Variants in MTHFS observed in about 807,000 individuals in gnomAD.
The protein encoded by MTHFS is 5-formyltetrahydrofolate cyclo-ligase.
MTHFS carries 7 observed loss-of-function variants against 12.7 expected under a neutral mutation model. The observed-to-expected ratio is 0.55, with a 90% CI of 0.31 to 1.03. The LOEUF is 1.03. MTHFS is among the 50% of genes least tolerant of loss of function. The pLI is 0.05. For missense variants in MTHFS, 252 were observed against 258.1 expected (o/e 0.98, Z 0.16); for synonymous variants, 100 against 97.1 (o/e 1.03, Z -0.18).
intron 2 of MTHFS, among the ~76,000 whole-genome samples, chr15:79,853,208 C>T (rs549258572): frequency 8.5e-5 from 13 of 152,294 alleles, no homozygotes; most frequent in African/African-American, 2.4e-4. Flanking sequence ...GACTATTTTA[C>T]ACTTTCATAG....
At chr15:79,889,537 G>C (rs1343961141) in intron 1 of MTHFS, among the ~76,000 whole-genome samples, 183 bp from the exon 2 acceptor site, 1 of 151,992 alleles carries the variant, frequency 6.6e-6, no homozygotes, top group African/African-American at 2.4e-5. Context: ...CTGACTTTTA[G>C]TTTGGGACCC....
At chr15:79,870,985 T>C (rs1369459904) in intron 2 of MTHFS, among the ~76,000 whole-genome samples, 5 of 151,766 alleles carry the variant, frequency 3.3e-5, no homozygotes, top group East Asian at 3.9e-4. Context: ...CTACTAAAAA[T>C]ACAAAAAATT....
intron 2 of MTHFS, chr15:79,877,699 C>CAAAAA (rs560901072): frequency 7.0e-6 from 1 of 142,356 alleles, no homozygotes; most frequent in Non-Finnish European, 1.5e-5. Context: ...GACTCTATCT[C>CAAAAA]AAAAAAAAAA....
intron 1 of MTHFS, among the ~76,000 whole-genome samples, chr15:79,895,539 T>C (rs1567001361): frequency 6.6e-6 from 1 of 152,240 alleles, no homozygotes; most frequent in Non-Finnish European, 1.5e-5. Context: ...GTTCAACATA[T>C]GTGAATGAAT....
intron 2 of MTHFS, among the ~76,000 whole-genome samples, chr15:79,868,416 A>G (rs570158980): frequency 6.6e-6 from 1 of 152,354 alleles, no homozygotes; most frequent in Admixed American, 6.5e-5. Flanking sequence ...AGAGAAATAT[A>G]GCACGTACTA....
At chr15:79,896,735 G>C in intron 1 of MTHFS, 137 bp downstream of exon 1, 1 of 980,558 alleles carries the variant, frequency 1.0e-6, no homozygotes, top group South Asian at 2.1e-5. Flanking sequence ...CGCCGGGAGG[G>C]GAAACGTGCG....
chr15:79,872,316 G>A (rs763605425), intron 2 of MTHFS, among the ~76,000 whole-genome samples: 2 of 152,242 alleles, frequency 1.3e-5, no homozygotes, highest in Admixed American at 1.3e-4. Flanking sequence ...ACATTACCAG[G>A]TAACACTGTG....
chr15:79,882,220 A>C (rs1423630261), intron 2 of MTHFS, among the ~76,000 whole-genome samples: 2 of 152,260 alleles, frequency 1.3e-5, no homozygotes, highest in Non-Finnish European at 2.9e-5. Flanking sequence ...CATACCATGT[A>C]GGATCTTATA....
intron 2 of MTHFS, among the ~76,000 whole-genome samples, chr15:79,879,148 G>GT (rs2034252049): frequency 6.6e-6 from 1 of 151,810 alleles, no homozygotes; most frequent in South Asian, 2.1e-4. Flanking sequence ...CTTTTCATTT[G>GT]TATCATCCAT....
Position 79,893,567 on chromosome 15 carries a change from G to A in MTHFS, c.117+3305C>T, listed in dbSNP as rs560293481. 1.1e-3 allele frequency among the ~76,000 whole-genome samples: 173 copies of A among 150,782 alleles called. 2 individuals are homozygous for A. The highest frequency in any genetic ancestry group is 3.7e-3 in the African/African-American group (154 of 41,106). On this transcript the variant is annotated intron_variant, in intron 1 of 2. Transcript: ENST00000258874. ...CAAAAAATTAGTCGGGCGTGGTGGC[G>A]GGCGCCTGTAGTCCCAGCTACTTGT...
upstream of MTHFS, chr15:79,897,046 G>C: frequency 6.8e-7 from 1 of 1,465,758 alleles, no homozygotes; most frequent in Non-Finnish European, 9.0e-7. Flanking sequence ...CTCGGGTTCG[G>C]TCTCCGCCCC....
chr15:79,891,297 A>T (rs1480917252), intron 1 of MTHFS, among the ~76,000 whole-genome samples: 2 of 152,244 alleles, frequency 1.3e-5, no homozygotes, highest in African/African-American at 2.4e-5. Context: ...CAGATAACAA[A>T]GGATCATCAA....
intron 2 of MTHFS, among the ~76,000 whole-genome samples, chr15:79,874,191 G>C (rs985122382): frequency 6.6e-6 from 1 of 151,278 alleles, no homozygotes; most frequent in African/African-American, 2.4e-5. Context: ...AAACCAGCAA[G>C]AACATTGGGA....
At chr15:79,861,872 A>G (rs1031135950) in intron 2 of MTHFS, among the ~76,000 whole-genome samples, 3 of 152,238 alleles carry the variant, frequency 2.0e-5, no homozygotes, top group Non-Finnish European at 4.4e-5. Context: ...AAATTTTTTA[A>G]AAGGATACAA....
rs1351215266 is a variant in MTHFS, at chr15:79,848,393, TG to T, written c.380-2952del. Among the ~76,000 whole-genome samples, 4 of 152,096 alleles carry T rather than the reference TG, an allele frequency of 2.6e-5. No homozygotes were observed. The East Asian group carries it at 7.7e-4, about 29-fold the overall frequency. On this transcript the variant is annotated intron_variant, in intron 2 of 2. Transcript: ENST00000258874. ...TTCAATGGATACAGAGTTTCATTCA[TG>T]GAAGATGAAAAAGTTCTAGAGATCT...
chr15:79,854,084 C>T (rs1478059876), intron 2 of MTHFS, among the ~76,000 whole-genome samples: 1 of 152,094 alleles, frequency 6.6e-6, no homozygotes, highest in African/African-American at 2.4e-5. Context: ...TTGTTCTTTC[C>T]CTACGAAATT....
At chr15:79,846,705 C>T (rs549039652) in intron 2 of MTHFS, among the ~76,000 whole-genome samples, 1 of 152,318 alleles carries the variant, frequency 6.6e-6, no homozygotes, top group Admixed American at 6.5e-5. Flanking sequence ...AGGTCCTGGT[C>T]ACTGACCTCT....
At position 79,889,132 on chromosome 15, in the gene MTHFS, G is replaced by C; in HGVS notation, c.340C>G (p.Pro114Ala). 1 of 1,614,108 alleles carries C rather than the reference G, an allele frequency of 6.2e-7. No individual in the cohort carries two copies. The highest frequency in any genetic ancestry group is 8.5e-7 in the Non-Finnish European group (1 of 1,180,028). Residue 114 changes from proline (P) to alanine (A), a missense_variant, in exon 2 of 3, where the codon CCT (proline) becomes GCT (alanine). Coordinates refer to ENST00000258874, the MANE Select transcript of MTHFS (RefSeq NM_006441.4). ...LPKTSWNIPQPGEGDVREEAL... is the reference protein window; with the variant it reads ...LPKTSWNIPQAGEGDVREEAL... ...TCCTCCCGAACATCACCCTCACCAG[G>C]CTGAGGGATATTCCAGGATGTTTTG...
chr15:79,889,479 G>A, intron 1 of MTHFS, 125 bp from the exon 2 acceptor site: 1 of 1,378,716 alleles, frequency 7.3e-7, no homozygotes, highest in Non-Finnish European at 9.6e-7. Context: ...AAAAAAGGGG[G>A]GGGGACCAGA....
Sources: allele counts gnomAD v4.1 joint callset (sites outside exome capture counted in the v4.1 genomes callset), GRCh38; gene constraint gnomAD v4.1.1; transcripts MANE v1.5; gene names NCBI Gene and HGNC (gene_info 2026-07-23, HGNC 2026-07-21).